The following SNAPIN variants were observed in gnomAD, a reference collection of about 807,000 sequenced individuals.
SNAPIN encodes SNAP associated protein, also known as SNARE-associated protein Snapin.
In SNAPIN, 16 loss-of-function variants were observed where a neutral mutation model predicts 15.9. That is an observed-to-expected ratio of 1.01 (90% CI 0.68 to 1.53). The LOEUF (loss-of-function observed/expected upper bound fraction) is 1.53. Among genes scored for constraint, SNAPIN ranks in the 40% most tolerant of loss-of-function variants. The pLI is 0.00. For missense variants in SNAPIN, 186 were observed against 180.1 expected (o/e 1.03, Z -0.19); for synonymous variants, 83 against 76.2 (o/e 1.09, Z -0.46).
At position 153,661,415 on chromosome 1, in the gene SNAPIN, G is replaced by A. The variant is rs1184643195; in HGVS notation, c.*114G>A. On this transcript the variant is annotated 3_prime_UTR_variant, in exon 4 of 4. Coordinates refer to ENST00000368685, the MANE Select transcript of SNAPIN (RefSeq NM_012437.6). The stretch of plus-strand genomic sequence containing the variant: ...CATAGACCTTCAGACATTAAAAAGG[G>A]AGCCGTACAGTTTGTTTGAAGCACT... 2.5e-6 allele frequency: 2 copies of A among 803,260 alleles called. No homozygotes were observed. Among genetic ancestry groups the A allele is most frequent in the Non-Finnish European group, 4.0e-6 (2 of 504,536 alleles). The allele number at this position is 803,260 out of a possible 1,614,324, so 49.8% of individuals were successfully genotyped here. A position where few individuals can be genotyped will look rare whatever the true frequency, so the allele number is the denominator to read the frequency against.
At chr1:153,661,132 C>CACCTAG (rs1669145243) in intron 3 of SNAPIN, 68 bp from the exon 4 acceptor site, 1 of 1,277,982 alleles carries the variant, frequency 7.8e-7, no homozygotes, top group East Asian at 2.4e-5. Flanking sequence ...TATTTTTCAG[C>CACCTAG]ACCTAGTTCA....
chr1:153,661,414 G>A lies in SNAPIN; in HGVS notation c.*113G>A. On this transcript the variant is annotated 3_prime_UTR_variant, in exon 4 of 4. Coordinates refer to ENST00000368685, the MANE Select transcript of SNAPIN (RefSeq NM_012437.6). Reference sequence around the variant, plus strand: ...CCATAGACCTTCAGACATTAAAAAGGGAGCCGTACAGTTTGTTTGAAGCAC... The same window carrying A: ...CCATAGACCTTCAGACATTAAAAAGAGAGCCGTACAGTTTGTTTGAAGCAC... 6 of 819,508 alleles carry A rather than the reference G, an allele frequency of 7.3e-6. No individual in the cohort carries two copies. The highest frequency in any genetic ancestry group is 1.2e-5 in the Non-Finnish European group (6 of 516,276). 50.8% of individuals were successfully genotyped at this position (819,508 alleles called of 1,614,324 possible).
At chr1:153,659,869 T>C (rs557643946) in intron 3 of SNAPIN, among the ~76,000 whole-genome samples, 17 of 152,080 alleles carry the variant, frequency 1.1e-4, no homozygotes. Context: ...CCCGAGTAAC[T>C]AGGACTACAA....
At chr1:153,658,686 C>T (rs1304622913), upstream of SNAPIN, 1 of 1,474,804 alleles carries the variant, frequency 6.8e-7, no homozygotes, top group Non-Finnish European at 8.9e-7. Context: ...GGCAGTGCGG[C>T]GCGGCTCCGG....
intron 3 of SNAPIN, among the ~76,000 whole-genome samples, chr1:153,660,784 ACATT>A (rs1469354267): frequency 1.6e-5 from 2 of 123,482 alleles, no homozygotes; most frequent in African/African-American, 6.2e-5. Context: ...TGCCTGGCCT[ACATT>A]TTTTTTTTTT....
intron 2 of SNAPIN, 26 bp from the exon 3 acceptor site, chr1:153,659,422 T>C: frequency 6.4e-7 from 1 of 1,570,138 alleles, no homozygotes; most frequent in Non-Finnish European, 8.8e-7. Context: ...CGTTAGATCT[T>C]AGCTGCACCT....
intron 2 of SNAPIN, 69 bp from the exon 3 acceptor site, chr1:153,659,379 C>A: frequency 7.3e-7 from 1 of 1,376,948 alleles, no homozygotes; most frequent in Non-Finnish European, 1.0e-6. Flanking sequence ...CATCCCATTA[C>A]CAGCCTGCTT....
chr1:153,659,465 G>A lies in SNAPIN; in HGVS notation c.208G>A (p.Glu70Lys), dbSNP rs1669096063. 1 of 1,613,868 alleles carries A rather than the reference G, an allele frequency of 6.2e-7. No homozygotes were observed. Reference sequence around the variant, plus strand: ...ATCCCCAGAACTGTGCCGCATAAATGAGGATCAGAAGGTGGCCCTGGATCT... The same window carrying A: ...ATCCCCAGAACTGTGCCGCATAAATAAGGATCAGAAGGTGGCCCTGGATCT... ...NLATELCRIN[E>K]DQKVALDLDP... is the part of the protein sequence containing the mutation. Residue 70 changes from glutamate to lysine, a missense_variant, in exon 3 of 4, where the codon GAG (glutamate) becomes AAG (lysine). Transcript: ENST00000368685.
upstream of SNAPIN, chr1:153,658,678 C>T (rs1434201407): frequency 2.7e-6 from 4 of 1,460,812 alleles, no homozygotes; most frequent in African/African-American, 5.8e-5. Flanking sequence ...CGGGGCGGGG[C>T]AGTGCGGCGC....
At chr1:153,659,220 G>A (rs772313727) in intron 2 of SNAPIN, 36 bp downstream of exon 2, 2 of 1,611,316 alleles carry the variant, frequency 1.2e-6, no homozygotes, top group Non-Finnish European at 1.7e-6. Context: ...GAATTCTTCA[G>A]CCCACTTTCA....
chr1:153,659,909 T>C (rs1468475091), intron 3 of SNAPIN, among the ~76,000 whole-genome samples: 1 of 152,142 alleles, frequency 6.6e-6, no homozygotes, highest in African/African-American at 2.4e-5. Flanking sequence ...AATTTTTGTA[T>C]TTTTTTGTAG....
chr1:153,661,050 G>A (rs1669143158), intron 3 of SNAPIN, 150 bp from the exon 4 acceptor site: 1 of 543,498 alleles, frequency 1.8e-6, no homozygotes, highest in South Asian at 1.9e-5. Context: ...GATTACAAGT[G>A]TGAGCCACCA....
Position 153,658,969 on chromosome 1 carries a change from G to T in SNAPIN, c.143+83G>T, listed in dbSNP as rs992653054. On this transcript the variant is annotated intron_variant, in intron 1 of 3. Transcript: ENST00000368685. ...CCAAGAAAGTGTTCTGGCTGGGAGTGGGCATAAATTTAGGAAACTGATTCG... is the reference window on the plus strand; with the variant it reads ...CCAAGAAAGTGTTCTGGCTGGGAGTTGGCATAAATTTAGGAAACTGATTCG... 2.5e-6 allele frequency: 4 copies of T among 1,595,188 alleles called. No individual in the cohort carries two copies. In the African/African-American group the frequency reaches 5.4e-5, roughly 22 times the overall value.
chr1:153,661,273 T>C lies in SNAPIN; in HGVS notation c.383T>C (p.Ile128Thr), dbSNP rs1669150351. The C allele has an allele frequency of 2.5e-6, 4 of 1,613,386 alleles. No homozygotes were observed. Among genetic ancestry groups the C allele is most frequent in the Admixed American group, 1.7e-5 (1 of 59,960 alleles). ...AGGAGAGCAATGCTGGATTCGGGAA[T>C]TTACCCCCCTGGCTCCCCAGGCAAA... Reference protein sequence around the residue: ...ARRRAMLDSGIYPPGSPGK With the variant: ...ARRRAMLDSGTYPPGSPGK Residue 128 changes from isoleucine (I) to threonine (T), a missense_variant, in exon 4 of 4, where the codon ATT (isoleucine) becomes ACT (threonine). Physicochemically the swap from Ile to Thr is moderately conservative, Grantham distance 89 (BLOSUM62 -1). Transcript: ENST00000368685.
intron 3 of SNAPIN, among the ~76,000 whole-genome samples, chr1:153,659,820 ACCTCCGCCCCCTGGGCTCAAGCAATTCTG>A (rs1190556514): frequency 2.1e-4 from 32 of 150,860 alleles, no homozygotes; most frequent in Admixed American, 1.3e-4. Context: ...GCTCGCTGCA[ACCTCCGCCCCCTGGGCTCAAGCAATTCTG>A]CCTCCGCCTC....
Position 153,661,336 on chromosome 1 carries a change from G to A in SNAPIN, c.*35G>A, listed in dbSNP as rs1194910542. The A allele has an allele frequency of 6.7e-7, 1 of 1,502,190 alleles. No homozygotes were observed. Among genetic ancestry groups the A allele is most frequent in the Non-Finnish European group, 9.3e-7 (1 of 1,080,114 alleles). 93.1% of individuals were successfully genotyped at this position (1,502,190 alleles called of 1,614,324 possible). A position where few individuals can be genotyped will look rare whatever the true frequency, so the allele number is the denominator to read the frequency against. ...CTATGGACTCAGTAGCACAAGTACTGTTCCCCAGCTGCCTTGTTTCAACAG... is the reference window on the plus strand; with the variant it reads ...CTATGGACTCAGTAGCACAAGTACTATTCCCCAGCTGCCTTGTTTCAACAG... On this transcript the variant is annotated 3_prime_UTR_variant, in exon 4 of 4. Transcript: ENST00000368685.
chr1:153,659,211 A>C, intron 2 of SNAPIN, 27 bp downstream of exon 2: 1 of 1,612,868 alleles, frequency 6.2e-7, no homozygotes, highest in Non-Finnish European at 8.5e-7. Context: ...GTGTACCCGG[A>C]ATTCTTCAGC....
Position 153,661,329 on chromosome 1 carries a change from A to G in SNAPIN, c.*28A>G. The G allele has an allele frequency of 6.5e-7, 1 of 1,543,114 alleles. No homozygotes were observed. The highest frequency in any genetic ancestry group is 9.0e-7 in the Non-Finnish European group (1 of 1,116,620). Reference sequence around the variant, plus strand: ...GATGAGCCTATGGACTCAGTAGCACAAGTACTGTTCCCCAGCTGCCTTGTT... The same window carrying G: ...GATGAGCCTATGGACTCAGTAGCACGAGTACTGTTCCCCAGCTGCCTTGTT... On this transcript the variant is annotated 3_prime_UTR_variant, in exon 4 of 4. Coordinates refer to ENST00000368685, the MANE Select transcript of SNAPIN (RefSeq NM_012437.6).
chr1:153,661,694 C>CTGTT lies in SNAPIN; in HGVS notation c.*395_*398dup, dbSNP rs1669170100. On this transcript the variant is annotated 3_prime_UTR_variant, in exon 4 of 4. Coordinates refer to ENST00000368685, the MANE Select transcript of SNAPIN (RefSeq NM_012437.6). ...CCTCTACCTGTGACTTCTCATTTTC[C>CTGTT]TGTTTACACTGGGGATTTGGAGGGG... 1 of 162,816 alleles carries CTGTT rather than the reference C, an allele frequency of 6.1e-6. No individual in the cohort carries two copies. The highest frequency in any genetic ancestry group is 2.4e-5 in the African/African-American group (1 of 41,650). The allele number at this position is 162,816 out of a possible 1,614,324, so 10.1% of individuals were successfully genotyped here.
Sources: gnomAD v4.1 joint callset for allele counts (sites outside exome capture counted in the v4.1 genomes callset) on GRCh38, gnomAD v4.1.1 for gene constraint, MANE v1.5 for transcripts, NCBI Gene and HGNC (gene_info 2026-07-23, HGNC 2026-07-21) for gene names.